Variants in MITF observed in about 807,000 individuals in gnomAD.
The protein encoded by MITF is microphthalmia-associated transcription factor.
In MITF, 17 loss-of-function variants were observed where a neutral mutation model predicts 60.5. The observed-to-expected ratio is 0.28, with a 90% CI of 0.19 to 0.42. The LOEUF (loss-of-function observed/expected upper bound fraction) is 0.42. Ranked by LOEUF, MITF falls within the 10% of genes least tolerant of loss-of-function variation. The probability of loss-of-function intolerance (pLI) is 1.00; values close to 1 mark genes in which losing one functional copy is unlikely to be tolerated. For synonymous variants in MITF, 260 were observed against 248.5 expected, an observed-to-expected ratio of 1.05 and a Z score of -0.43; for missense variants, 622 against 683.5, an observed-to-expected ratio of 0.91 and a Z score of 1.00.
intron 6 of MITF, among the ~76,000 whole-genome samples, chr3:69,950,503 GATATGCATAT>G (rs2066220119): frequency 7.3e-6 from 1 of 136,520 alleles, no homozygotes; most frequent in African/African-American, 2.7e-5. Context: ...CACACACATA[GATATGCATAT>G]ATATGCATAT....
chr3:69,885,763 A>G (rs1293494757), intron 2 of MITF, among the ~76,000 whole-genome samples: 1 of 152,136 alleles, frequency 6.6e-6, no homozygotes, highest in Non-Finnish European at 1.5e-5. Flanking sequence ...ACATTCCTGC[A>G]GAGGAACCAG....
chr3:69,762,542 C>T (rs1376492046), intron 1 of MITF, among the ~76,000 whole-genome samples: 1 of 152,194 alleles, frequency 6.6e-6, no homozygotes, highest in African/African-American at 2.4e-5. Context: ...AAGCCTTTAG[C>T]CTTGTAATGA....
At chr3:69,865,185 TA>T (rs147682169) in intron 1 of MITF, among the ~76,000 whole-genome samples, 2 of 151,178 alleles carry the variant, frequency 1.3e-5, no homozygotes, top group African/African-American at 2.4e-5. Flanking sequence ...AGAGGGAAGT[TA>T]AAAAAAAAGA....
Position 69,886,903 on chromosome 3 carries a change from T to C in MITF, c.354+7520T>C, listed in dbSNP as rs980347845. ...TAAAGATCTTGATGGTCCATGCTAT[T>C]ACAATTCATATGCTTTATAGTTCTG... On this transcript the variant is annotated intron_variant, in intron 2 of 9. Transcript: ENST00000352241. 2.0e-5 allele frequency among the ~76,000 whole-genome samples: 3 copies of C among 152,250 alleles called. No homozygotes were observed. The South Asian group carries it at 6.2e-4, about 32-fold the overall frequency.
intron 1 of MITF, among the ~76,000 whole-genome samples, chr3:69,853,398 T>C (rs1460074137): frequency 6.6e-6 from 1 of 152,230 alleles, no homozygotes; most frequent in Non-Finnish European, 1.5e-5. Context: ...CGTATCCATT[T>C]CTTTACTTCC....
chr3:69,907,540 A>G (rs755212146), intron 2 of MITF, among the ~76,000 whole-genome samples: 2 of 152,204 alleles, frequency 1.3e-5, no homozygotes, highest in Non-Finnish European at 2.9e-5. Flanking sequence ...AAATCACTTC[A>G]TAAGCAGGAG....
intron 1 of MITF, among the ~76,000 whole-genome samples, chr3:69,872,681 G>C (rs1182440137): frequency 6.6e-6 from 1 of 152,136 alleles, no homozygotes; most frequent in East Asian, 1.9e-4. Context: ...CAGTCATTGA[G>C]ATTAGTCTTT....
intron 2 of MITF, among the ~76,000 whole-genome samples, chr3:69,888,103 C>T (rs1035472449): frequency 1.1e-4 from 16 of 152,196 alleles, no homozygotes; most frequent in African/African-American, 3.8e-4. Context: ...AAAATTCAGA[C>T]TTCTATTACC....
At chr3:69,901,498 C>G (rs116195061) in intron 2 of MITF, among the ~76,000 whole-genome samples, 70 of 152,250 alleles carry the variant, frequency 4.6e-4, no homozygotes, top group Non-Finnish European at 9.6e-4. Flanking sequence ...TATCCCTCCC[C>G]CAATCCCCAC....
chr3:69,884,094 C>T (rs1312345767), intron 2 of MITF, among the ~76,000 whole-genome samples: 1 of 152,138 alleles, frequency 6.6e-6, no homozygotes, highest in African/African-American at 2.4e-5. Flanking sequence ...TTTTCTCTCT[C>T]TTTAAAACTC....
At chr3:69,837,775 C>T (rs1161053978) in intron 1 of MITF, among the ~76,000 whole-genome samples, 6 of 152,002 alleles carry the variant, frequency 3.9e-5, no homozygotes, top group Non-Finnish European at 4.4e-5. Flanking sequence ...ATATGTTTCC[C>T]GGCAGAAATA....
In MITF at chr3:69,851,612, A is replaced by G. The variant is rs374928174; in HGVS notation, c.105-27522A>G. Among the ~76,000 whole-genome samples, 51 of 152,314 alleles carry G rather than the reference A, an allele frequency of 3.3e-4. 1 individual carries two copies. Among genetic ancestry groups the G allele is most frequent in the East Asian group, 3.3e-3 (17 of 5,180 alleles). On this transcript the variant is annotated intron_variant, in intron 1 of 9. Transcript: ENST00000352241. The stretch of plus-strand genomic sequence containing the variant: ...TATGACATCCTGGAAAAGGCAAAAC[A>G]TAGAAACAGAAAACTGATAGGTGGT...
chr3:69,811,677 C>T (rs530999309), intron 1 of MITF, among the ~76,000 whole-genome samples: 6 of 152,338 alleles, frequency 3.9e-5, no homozygotes, highest in Non-Finnish European at 5.9e-5. Flanking sequence ...AAACACACAG[C>T]TAACTCATTC....
At chr3:69,768,275 A>T (rs572561113) in intron 1 of MITF, among the ~76,000 whole-genome samples, 9 of 152,328 alleles carry the variant, frequency 5.9e-5, no homozygotes, top group African/African-American at 2.2e-4. Flanking sequence ...TTAGATAAGA[A>T]GATAAACCTC....
chr3:69,819,661 A>G (rs544436299), intron 1 of MITF, among the ~76,000 whole-genome samples: 2 of 152,244 alleles, frequency 1.3e-5, no homozygotes, highest in Non-Finnish European at 2.9e-5. Context: ...AAAAACTACA[A>G]AAAAACCATG....
chr3:69,847,927 A>C (rs1379549223), intron 1 of MITF, among the ~76,000 whole-genome samples: 1 of 152,220 alleles, frequency 6.6e-6, no homozygotes, highest in Non-Finnish European at 1.5e-5. Context: ...TTCATAGCCT[A>C]AGAGCTCTTT....
intron 3 of MITF, chr3:69,938,343 G>A (rs775014715): frequency 6.4e-6 from 10 of 1,569,934 alleles, no homozygotes; most frequent in Non-Finnish European, 8.6e-6. Context: ...TCTCTTCCAT[G>A]CCTTTCAGTT....
At chr3:69,908,927 A>C (rs1014114478) in intron 2 of MITF, among the ~76,000 whole-genome samples, 1 of 152,234 alleles carries the variant, frequency 6.6e-6, no homozygotes, top group Non-Finnish European at 1.5e-5. Context: ...TATGTGAAAT[A>C]AGTCCTTAGA....
chr3:69,904,422 A>G lies in MITF; in HGVS notation c.354+25039A>G, dbSNP rs553494913. On this transcript the variant is annotated intron_variant, in intron 2 of 9. Transcript: ENST00000352241. ...AAAAATAGTGACAGAAATGCTACATAATTTCTTCCGTGTGTCTTCTACTGG... is the reference window on the plus strand; with the variant it reads ...AAAAATAGTGACAGAAATGCTACATGATTTCTTCCGTGTGTCTTCTACTGG... Among the ~76,000 whole-genome samples, 169 of 152,224 alleles carry G rather than the reference A, an allele frequency of 1.1e-3. 1 individual carries two copies. The highest frequency in any genetic ancestry group is 0.01 in the South Asian group (50 of 4,820).
Sources: gnomAD v4.1 joint callset for allele counts (sites outside exome capture counted in the v4.1 genomes callset) on GRCh38, gnomAD v4.1.1 for gene constraint, MANE v1.5 for transcripts, NCBI Gene and HGNC (gene_info 2026-07-23, HGNC 2026-07-21) for gene names.